GRIA1: variants seen among roughly 807,000 people sequenced by gnomAD.
GRIA1 encodes glutamate receptor 1.
In GRIA1, 31 loss-of-function variants were observed where a neutral mutation model predicts 99.2. That is an observed-to-expected ratio of 0.31 (90% CI 0.23 to 0.42). The LOEUF is 0.42. Ranked by LOEUF, GRIA1 falls within the 10% of genes least tolerant of loss-of-function variation. The probability of loss-of-function intolerance (pLI) is 1.00; values close to 1 mark genes in which losing one functional copy is unlikely to be tolerated. For synonymous variants in GRIA1, 438 were observed against 432.4 expected (o/e 1.01, Z -0.16); for missense variants, 782 against 1,157.5 (o/e 0.68, Z 4.71).
chr5:153,806,390 C>G (rs1043692388), intron 15 of GRIA1, among the ~76,000 whole-genome samples: 1 of 152,124 alleles, frequency 6.6e-6, no homozygotes, highest in African/African-American at 2.4e-5. Flanking sequence ...CTCAGCCTCC[C>G]GAGTAGCTGG....
At chr5:153,517,673 T>C (rs1157173143) in intron 2 of GRIA1, among the ~76,000 whole-genome samples, 1 of 152,240 alleles carries the variant, frequency 6.6e-6, no homozygotes, top group Non-Finnish European at 1.5e-5. Context: ...CTGTCAGTGC[T>C]AGTTACAAAA....
At chr5:153,491,135 G>T in intron 1 of GRIA1, 165 bp downstream of exon 1, 1 of 971,066 alleles carries the variant, frequency 1.0e-6, no homozygotes. Flanking sequence ...CAGAGGAGGG[G>T]GCTTCTCCTG....
At chr5:153,592,156 T>C (rs1764028137) in intron 2 of GRIA1, among the ~76,000 whole-genome samples, 1 of 152,144 alleles carries the variant, frequency 6.6e-6, no homozygotes, top group Non-Finnish European at 1.5e-5. Context: ...ATTTTAGAAG[T>C]TGGTTCTTTT....
intron 13 of GRIA1, among the ~76,000 whole-genome samples, chr5:153,780,836 A>G (rs1561855518): frequency 1.3e-5 from 2 of 152,154 alleles, no homozygotes; most frequent in East Asian, 3.9e-4. Context: ...AATTAGTGGC[A>G]ATTACCTTCT....
At chr5:153,672,195 A>G (rs1344628493) in intron 5 of GRIA1, among the ~76,000 whole-genome samples, 1 of 152,130 alleles carries the variant, frequency 6.6e-6, no homozygotes, top group Non-Finnish European at 1.5e-5. Flanking sequence ...CATGCCATGC[A>G]GGGGAGAGGA....
intron 1 of GRIA1, 96 bp from the exon 2 acceptor site, chr5:153,493,832 G>T: frequency 8.0e-7 from 1 of 1,255,558 alleles, no homozygotes; most frequent in South Asian, 1.3e-5. Context: ...AGTGAGTTTG[G>T]CATGGGGAGA....
At chr5:153,492,189 T>C in intron 1 of GRIA1, 6 of 1,525,532 alleles carry the variant, frequency 3.9e-6, no homozygotes, top group East Asian at 2.5e-5. Flanking sequence ...TGATATTTTG[T>C]CGGGCATACA....
chr5:153,782,319 A>G (rs1403042026), intron 13 of GRIA1, among the ~76,000 whole-genome samples: 3 of 152,228 alleles, frequency 2.0e-5, no homozygotes, highest in Admixed American at 6.5e-5. Flanking sequence ...CTATGCTCTT[A>G]TCAATCACAC....
At chr5:153,608,892 T>C (rs1247814223) in intron 2 of GRIA1, among the ~76,000 whole-genome samples, 5 of 152,216 alleles carry the variant, frequency 3.3e-5, no homozygotes, top group Admixed American at 3.3e-4. Flanking sequence ...CTAGTAGATA[T>C]ATGTTTGCTT....
chr5:153,495,200 T>C (rs1445824425), intron 2 of GRIA1, among the ~76,000 whole-genome samples: 1 of 152,248 alleles, frequency 6.6e-6, no homozygotes, highest in Non-Finnish European at 1.5e-5. Flanking sequence ...GCATCAGAAC[T>C]ATGATAAATA....
At chr5:153,666,530 C>T (rs1383359490) in intron 5 of GRIA1, among the ~76,000 whole-genome samples, 1 of 152,142 alleles carries the variant, frequency 6.6e-6, no homozygotes, top group Non-Finnish European at 1.5e-5. Flanking sequence ...AATAGATTGG[C>T]CTCACTAGTG....
chr5:153,655,930 T>A, intron 5 of GRIA1, 58 bp downstream of exon 5: 4 of 1,425,594 alleles, frequency 2.8e-6, no homozygotes, highest in Non-Finnish European at 4.0e-6. Flanking sequence ...GGGCCCTACC[T>A]TGCTTCTGTT....
intron 2 of GRIA1, among the ~76,000 whole-genome samples, chr5:153,532,945 C>G (rs886851460): frequency 6.6e-6 from 1 of 152,156 alleles, no homozygotes; most frequent in Non-Finnish European, 1.5e-5. Flanking sequence ...AGCCCAGGAC[C>G]TAGAAGATTC....
chr5:153,598,508 G>T (rs1764613070), intron 2 of GRIA1, among the ~76,000 whole-genome samples: 1 of 152,154 alleles, frequency 6.6e-6, no homozygotes, highest in African/African-American at 2.4e-5. Context: ...AGCAGTTTAT[G>T]CTTAGAATCT....
At chr5:153,654,454 G>C (rs557489151) in intron 4 of GRIA1, among the ~76,000 whole-genome samples, 1 of 152,114 alleles carries the variant, frequency 6.6e-6, no homozygotes, top group African/African-American at 2.4e-5. Flanking sequence ...ATAGGTTCTT[G>C]ATAAAGGTGT....
chr5:153,502,756 T>C (rs889513789), intron 2 of GRIA1, among the ~76,000 whole-genome samples: 5 of 152,318 alleles, frequency 3.3e-5, no homozygotes, highest in Non-Finnish European at 5.9e-5. Flanking sequence ...TGATACCCTA[T>C]GGTTAGGCGT....
chr5:153,633,558 A>G (rs1365763603), intron 2 of GRIA1, among the ~76,000 whole-genome samples: 1 of 152,222 alleles, frequency 6.6e-6, no homozygotes, highest in Non-Finnish European at 1.5e-5. Context: ...ATTGTCCAGG[A>G]GGCCTGAGTT....
At chr5:153,601,120 C>T (rs1764916220) in intron 2 of GRIA1, among the ~76,000 whole-genome samples, 1 of 152,154 alleles carries the variant, frequency 6.6e-6, no homozygotes, top group South Asian at 2.1e-4. Context: ...CAGCTAACAC[C>T]GACTGAGCAC....
intron 13 of GRIA1, among the ~76,000 whole-genome samples, chr5:153,786,753 G>A (rs1764986400): frequency 6.6e-6 from 1 of 152,230 alleles, no homozygotes; most frequent in Non-Finnish European, 1.5e-5. Flanking sequence ...CTCAAGGGCA[G>A]ATTCAAGGAA....
Sources: gnomAD v4.1 joint callset for allele counts (sites outside exome capture counted in the v4.1 genomes callset) on GRCh38, gnomAD v4.1.1 for gene constraint, MANE v1.5 for transcripts, NCBI Gene and HGNC (gene_info 2026-07-23, HGNC 2026-07-21) for gene names.